Variants in SELENOW observed in about 807,000 individuals in gnomAD.
SELENOW encodes selenoprotein W, 1.
A neutral mutation model predicts 16.6 loss-of-function variants in SELENOW; 20 were observed. The observed-to-expected ratio is 1.21, with a 90% CI of 0.85 to 1.76. The LOEUF (loss-of-function observed/expected upper bound fraction) is 1.76. Ranked by LOEUF, SELENOW falls within the 40% of genes most tolerant of loss-of-function variation. The pLI, the probability that SELENOW is intolerant of heterozygous loss-of-function variation, is 0.00. For synonymous variants in SELENOW, 44 were observed against 46.2 expected (o/e 0.95, Z 0.19); for missense variants, 124 against 111.0 (o/e 1.12, Z -0.53).
chr19:47,779,786 A>G (rs1967451015), intron 1 of SELENOW: 1 of 171,850 alleles, frequency 5.8e-6, no homozygotes, highest in African/African-American at 2.4e-5. Flanking sequence ...TCCATCCTGG[A>G]CAGCAGAGCG....
Position 47,778,822 on chromosome 19 carries a change from C to A in SELENOW, c.29+8C>A. On this transcript the variant is annotated splice_region_variant and intron_variant, in intron 1 of 5. Coordinates refer to ENST00000601048, the MANE Select transcript of SELENOW (RefSeq NM_003009.4). ...CGTCCGAGTCGTTTATTGGTAAGCC[C>A]AGCGGCCAGCGGCCCCCGTCCCCGA... 6.2e-7 allele frequency: 1 copy of A among 1,600,774 alleles called. No homozygotes were observed. The highest frequency in any genetic ancestry group is 8.5e-7 in the Non-Finnish European group (1 of 1,174,652).
chr19:47,781,445 C>T, intron 5 of SELENOW, 57 bp downstream of exon 5: 1 of 963,558 alleles, frequency 1.0e-6, no homozygotes, highest in Non-Finnish European at 1.6e-6. Context: ...CTGCCCCATG[C>T]TCTGACTCCT....
intron 1 of SELENOW, chr19:47,779,033 T>A (rs1355404059): frequency 1.8e-6 from 1 of 558,444 alleles, no homozygotes; most frequent in African/African-American, 2.0e-5. Flanking sequence ...GCATCTCGGG[T>A]TATAAAAGGT....
At chr19:47,781,012 G>A (rs765168574) in intron 3 of SELENOW, 95 bp downstream of exon 3, 3 of 1,546,274 alleles carry the variant, frequency 1.9e-6, no homozygotes, top group South Asian at 2.2e-5. Flanking sequence ...TCAGCCCTAC[G>A]CCCTTCACCC....
intron 1 of SELENOW, 102 bp from the exon 2 acceptor site, chr19:47,780,623 A>G: frequency 2.1e-6 from 2 of 944,554 alleles, no homozygotes; most frequent in Non-Finnish European, 1.7e-6. Context: ...TCCTGGCCCC[A>G]TCTTGCTCTC....
rs773176311 is a variant in SELENOW at position 47,781,089 on chromosome 19, C to T, written c.109-19C>T. The T allele has an allele frequency of 1.4e-5, 22 of 1,611,338 alleles. No individual in the cohort carries two copies. Among genetic ancestry groups the T allele is most frequent in the Non-Finnish European group, 1.8e-5 (21 of 1,177,638 alleles). On this transcript the variant is annotated intron_variant, in intron 3 of 5. Coordinates refer to ENST00000601048, the MANE Select transcript of SELENOW (RefSeq NM_003009.4). ...GACATCTTAGCCCCTCCAACATCTC[C>T]CCTACCCCCTTTCCTCAGTGCGGCG...
At position 47,778,731 on chromosome 19, in the gene SELENOW, G is replaced by C. The variant is rs761972541; in HGVS notation, c.-55G>C. 1.3e-6 allele frequency: 2 copies of C among 1,575,100 alleles called. No individual in the cohort carries two copies. Among genetic ancestry groups the C allele is most frequent in the East Asian group, 4.7e-5 (2 of 42,424 alleles). ...CGCGCAGACCTAGCGCGTCCAGGTG[G>C]GAGGTTAGTGTGGCCCGGGCGTCCG... is the stretch of plus-strand genomic sequence containing the variant. On this transcript the variant is annotated 5_prime_UTR_variant, in exon 1 of 6. Coordinates refer to ENST00000601048, the MANE Select transcript of SELENOW (RefSeq NM_003009.4).
At position 47,780,722 on chromosome 19, in the gene SELENOW, C is replaced by T. The variant is rs1014242747; in HGVS notation, c.30-3C>T. 3.2e-6 allele frequency: 5 copies of T among 1,559,564 alleles called. No individual in the cohort carries two copies. The highest frequency in any genetic ancestry group is 1.4e-5 in the African/African-American group (1 of 73,390). ...GCCCCAATGTCTTGGACTCTCCTAC[C>T]AGTGGCGCTTGAGGCTACAAGTCCA... is the stretch of plus-strand genomic sequence containing the variant. On this transcript the variant is annotated splice_region_variant and splice_polypyrimidine_tract_variant and intron_variant, in intron 1 of 5. Coordinates refer to ENST00000601048, the MANE Select transcript of SELENOW (RefSeq NM_003009.4).
At chr19:47,779,627 A>ACCC (rs10718554) in intron 1 of SELENOW, 1 of 151,562 alleles carries the variant, frequency 6.6e-6, no homozygotes, top group Admixed American at 6.6e-5. Flanking sequence ...ACCCAGGGAG[A>ACCC]CCCCCCCCTC....
chr19:47,782,324 C>G (rs1967486083), intron 5 of SELENOW: 1 of 152,242 alleles, frequency 6.6e-6, no homozygotes, highest in South Asian at 2.1e-4. Flanking sequence ...AATGCTAACT[C>G]TAGAATGGAT....
chr19:47,780,381 G>C (rs1472317992), intron 1 of SELENOW: 7 of 417,310 alleles, frequency 1.7e-5, no homozygotes, highest in Non-Finnish European at 3.2e-5. Flanking sequence ...AGTTCTCCTG[G>C]TTTTCCCCCG....
intron 5 of SELENOW, chr19:47,783,161 C>T (rs1055724178): frequency 2.0e-5 from 3 of 151,676 alleles, no homozygotes; most frequent in South Asian, 2.1e-4. Context: ...GTCTCAGCCT[C>T]GTGAGTAGCT....
chr19:47,780,683 C>A (rs1351600740), intron 1 of SELENOW, 42 bp from the exon 2 acceptor site: 1 of 1,545,596 alleles, frequency 6.5e-7, no homozygotes, highest in Admixed American at 2.0e-5. Flanking sequence ...CCCACTTCTC[C>A]CTCTCTCCCC....
Position 47,780,901 on chromosome 19 carries a change from C to G in SELENOW, c.92C>G (p.Pro31Arg), listed in dbSNP as rs1967466639. 4 of 1,613,324 alleles carry G rather than the reference C, an allele frequency of 2.5e-6. No homozygotes were observed. The highest frequency in any genetic ancestry group is 3.4e-6 in the Non-Finnish European group (4 of 1,179,708). The change falls in exon 3 of 6, where the codon CCC (proline) becomes CGC (arginine). Residue 31 changes from proline to arginine, a missense_variant. Physicochemically the swap from Pro to Arg is moderately radical, Grantham distance 103. Coordinates refer to ENST00000601048, the MANE Select transcript of SELENOW (RefSeq NM_003009.4). ...QLKKKLEDEFPGRLDICGEGT... is the reference protein window; with the variant it reads ...QLKKKLEDEFRGRLDICGEGT... ...AAGAAGAAGTTAGAAGATGAGTTCC[C>G]CGGCCGCCTGGACATCGTGAGTCTT...
chr19:47,781,291 A>G lies in SELENOW; in HGVS notation c.185A>G (p.Lys62Arg), dbSNP rs1157757741. Residue 62 changes from lysine (K) to arginine (R), a missense_variant and splice_region_variant, in exon 5 of 6, where the codon AAA becomes AGA. Coordinates refer to ENST00000601048, the MANE Select transcript of SELENOW (RefSeq NM_003009.4). The stretch of plus-strand genomic sequence containing the variant: ...CTTCCCTCTTCCTCCCCTCCCTAGA[A>G]AGGCGATGGCTACGTGGACACAGAA... ...VAGKLIHSKK[K>R]GDGYVDTESK... 7 of 1,613,436 alleles carry G rather than the reference A, an allele frequency of 4.3e-6. No homozygotes were observed. In the South Asian group the frequency reaches 7.7e-5, roughly 18 times the overall value.
chr19:47,781,206 C>T (rs755902442), intron 4 of SELENOW, 24 bp downstream of exon 4: 2 of 1,611,768 alleles, frequency 1.2e-6, no homozygotes, highest in Non-Finnish European at 1.7e-6. Context: ...TCCGTCCTGC[C>T]TGGTTTTGGG....
At chr19:47,781,216 G>T in intron 4 of SELENOW, 34 bp downstream of exon 4, 1 of 1,607,926 alleles carries the variant, frequency 6.2e-7, no homozygotes, top group Non-Finnish European at 8.5e-7. Context: ...CTGGTTTTGG[G>T]GCTAGCATGG....
rs113169561 is a variant in SELENOW at position 47,779,593 on chromosome 19, A to G, written c.29+779A>G. On this transcript the variant is annotated intron_variant, in intron 1 of 5. Coordinates refer to ENST00000601048, the MANE Select transcript of SELENOW (RefSeq NM_003009.4). Reference sequence around the variant, plus strand: ...TGAGGCGGGTGGATCGCTTGAGCCCAAGAGTTCGAGACCAGCCTGGGCAAC... The same window carrying G: ...TGAGGCGGGTGGATCGCTTGAGCCCGAGAGTTCGAGACCAGCCTGGGCAAC... 3.0e-4 allele frequency: 45 copies of G among 151,064 alleles called. No homozygotes were observed. The South Asian group carries it at 8.8e-3, about 30-fold the overall frequency. 9.4% of individuals were successfully genotyped at this position (151,064 alleles called of 1,614,324 possible). A position where few individuals can be genotyped will look rare whatever the true frequency, so the allele number is the denominator to read the frequency against.
At position 47,780,747 on chromosome 19, in the gene SELENOW, A is replaced by T. The variant is rs1228918708; in HGVS notation, c.52A>T (p.Lys18Ter). ...CAGTGGCGCTTGAGGCTACAAGTCCAAGGTAAGCAGAGTGGATGCCCGGGG... is the reference window on the plus strand; with the variant it reads ...CAGTGGCGCTTGAGGCTACAAGTCCTAGGTAAGCAGAGTGGATGCCCGGGG... ...VYCGAUGYKS[K>*]YLQLKKKLED... The change falls in exon 2 of 6, where the codon AAG becomes TAG. Residue 18 changes from lysine (K) to a stop codon, truncating the protein, a stop_gained and splice_region_variant. Coordinates refer to ENST00000601048, the MANE Select transcript of SELENOW (RefSeq NM_003009.4). LOFTEE classifies it high-confidence loss of function. The T allele has an allele frequency of 6.4e-7, 1 of 1,563,808 alleles. No homozygotes were observed.
Sources: allele counts gnomAD v4.1 joint callset, GRCh38; gene constraint gnomAD v4.1.1; transcripts MANE v1.5; gene names NCBI Gene and HGNC (gene_info 2026-07-23, HGNC 2026-07-21).